Variants in ARHGEF12 observed in about 807,000 individuals in gnomAD.
ARHGEF12 encodes KMT2A/ARHGEF12 fusion protein.
ARHGEF12 carries 66 observed loss-of-function variants against 211.2 expected under a neutral mutation model. That is an observed-to-expected ratio of 0.31 (90% CI 0.26 to 0.38). The LOEUF (loss-of-function observed/expected upper bound fraction) is 0.38. ARHGEF12 is among the 10% of genes least tolerant of loss of function. The pLI is 1.00. For missense variants in ARHGEF12, 1,429 were observed against 1,869.5 expected (o/e 0.76, Z 4.34); for synonymous variants, 592 against 638.4 (o/e 0.93, Z 1.09).
At position 120,431,530 on chromosome 11, in the gene ARHGEF12, C is replaced by A. The variant is rs74754480; in HGVS notation, c.784-241C>A. On this transcript the variant is annotated intron_variant, in intron 10 of 40. Coordinates refer to ENST00000397843, the MANE Select transcript of ARHGEF12 (RefSeq NM_015313.3). ...TGCTATATTTAGAAGTTTGAACTTACATTCTTTTTACCAAAATATCACTTG... is the reference window on the plus strand; with the variant it reads ...TGCTATATTTAGAAGTTTGAACTTAAATTCTTTTTACCAAAATATCACTTG... Among the ~76,000 whole-genome samples the A allele has an allele frequency of 8.9e-3, 1,350 of 152,286 alleles. 89 individuals carry two copies. The South Asian group carries it at 0.16, about 18-fold the overall frequency.
chr11:120,356,706 TTGG>T (rs1455561147), intron 1 of ARHGEF12, among the ~76,000 whole-genome samples: 2 of 152,234 alleles, frequency 1.3e-5, no homozygotes, highest in Non-Finnish European at 2.9e-5. Context: ...CCTGGATTAC[TTGG>T]TTTTTCTGTA....
intron 1 of ARHGEF12, among the ~76,000 whole-genome samples, chr11:120,367,973 C>G (rs745326572): frequency 2.0e-5 from 3 of 151,984 alleles, no homozygotes; most frequent in Non-Finnish European, 4.4e-5. Flanking sequence ...AGAGCAAGAC[C>G]TCGTCTCAAA....
At position 120,422,667 on chromosome 11, in the gene ARHGEF12, A is replaced by T. The variant is rs906579226; in HGVS notation, c.348+815A>T. ...CTTCTTCTGGTACCAGGTATTTCAGATAAGCGATACCTGACCTGTATGCAA... is the reference window on the plus strand; with the variant it reads ...CTTCTTCTGGTACCAGGTATTTCAGTTAAGCGATACCTGACCTGTATGCAA... On this transcript the variant is annotated intron_variant, in intron 6 of 40. Coordinates refer to ENST00000397843, the MANE Select transcript of ARHGEF12 (RefSeq NM_015313.3). Among the ~76,000 whole-genome samples the T allele has an allele frequency of 3.9e-5, 6 of 152,328 alleles. No individual in the cohort carries two copies. In the East Asian group the frequency reaches 9.6e-4, roughly 24 times the overall value.
chr11:120,410,807 T>C (rs1944860661), intron 4 of ARHGEF12: 1 of 152,232 alleles, frequency 6.6e-6, no homozygotes, highest in Non-Finnish European at 1.5e-5. Flanking sequence ...CAGAGTATTT[T>C]GGCTACTGAT....
chr11:120,459,034 T>C (rs1401885445), intron 25 of ARHGEF12, 140 bp from the exon 26 acceptor site: 1 of 733,612 alleles, frequency 1.4e-6, no homozygotes, highest in Non-Finnish European at 1.9e-6. Flanking sequence ...TCAGAATGAC[T>C]TCAGAGATAT....
rs901083392 is a variant in ARHGEF12, at chr11:120,460,878, T to C, written c.2613+121T>C. 1.5e-5 allele frequency: 13 copies of C among 846,022 alleles called. No individual in the cohort carries two copies. The African/African-American group carries it at 1.9e-4, about 12-fold the overall frequency. 52.4% of individuals were successfully genotyped at this position (846,022 alleles called of 1,614,324 possible). A position where few individuals can be genotyped will look rare whatever the true frequency, so the allele number is the denominator to read the frequency against. On this transcript the variant is annotated intron_variant, in intron 27 of 40. Transcript: ENST00000397843. ...CCATGTTGCAAAGTTAATGCAAAGC[T>C]GAGAAAGGTCAAGCAGTAGATTCCA... is the stretch of plus-strand genomic sequence containing the variant.
At chr11:120,376,479 A>G in intron 1 of ARHGEF12, among the ~76,000 whole-genome samples, 1 of 152,308 alleles carries the variant, frequency 6.6e-6, no homozygotes, top group Middle Eastern at 3.4e-3. Flanking sequence ...AGACTGAGAT[A>G]TAATTTACAT....
intron 1 of ARHGEF12, among the ~76,000 whole-genome samples, chr11:120,371,639 G>A (rs12807097): frequency 0.19 from 29,044 of 152,092 alleles, 2,933 homozygotes; most frequent in South Asian, 0.23. Flanking sequence ...CTCAGTTAAA[G>A]ATGTTAAAAA....
At chr11:120,459,453 A>G (rs1231504824) in intron 26 of ARHGEF12, 133 bp downstream of exon 26, 1 of 964,798 alleles carries the variant, frequency 1.0e-6, no homozygotes, top group Non-Finnish European at 1.5e-6. Context: ...AAATAAAGGA[A>G]TGATTGGAAC....
intron 24 of ARHGEF12, 111 bp downstream of exon 24, chr11:120,457,867 T>C (rs1019116859): frequency 4.8e-5 from 61 of 1,260,088 alleles, no homozygotes; most frequent in Middle Eastern, 2.4e-4. Flanking sequence ...CAATCTGTTA[T>C]GTAGTATAAA....
At chr11:120,457,809 C>CT in intron 24 of ARHGEF12, 53 bp downstream of exon 24, 2 of 1,557,460 alleles carry the variant, frequency 1.3e-6, no homozygotes, top group Non-Finnish European at 1.8e-6. Context: ...GAAACGTAAC[C>CT]TTTTTTCCTC....
intron 26 of ARHGEF12, among the ~76,000 whole-genome samples, chr11:120,459,686 C>T (rs1946467349): frequency 6.6e-6 from 1 of 151,888 alleles, no homozygotes; most frequent in African/African-American, 2.4e-5. Context: ...GGTATATAAT[C>T]ACATGGTTCG....
intron 7 of ARHGEF12, among the ~76,000 whole-genome samples, chr11:120,426,937 C>T (rs1019269503): frequency 4.6e-5 from 7 of 151,928 alleles, no homozygotes; most frequent in Non-Finnish European, 7.4e-5. Flanking sequence ...CGTGCAGTGG[C>T]GCAATCTCGG....
chr11:120,394,011 A>G (rs1465191102), intron 1 of ARHGEF12, among the ~76,000 whole-genome samples: 2 of 152,212 alleles, frequency 1.3e-5, no homozygotes, highest in African/African-American at 4.8e-5. Context: ...AAATCAATAA[A>G]AGATCTCTGG....
At chr11:120,481,705 T>C in intron 39 of ARHGEF12, 129 bp downstream of exon 39, 1 of 829,014 alleles carries the variant, frequency 1.2e-6, no homozygotes, top group Non-Finnish European at 1.9e-6. Context: ...CTATTATCCA[T>C]GAATAGGCCT....
At position 120,447,912 on chromosome 11, in the gene ARHGEF12, A is replaced by G. The variant is rs1469180837; in HGVS notation, c.1622+6A>G. 2.6e-6 allele frequency: 4 copies of G among 1,561,808 alleles called. No individual in the cohort carries two copies. The highest frequency in any genetic ancestry group is 3.4e-6 in the Non-Finnish European group (4 of 1,160,438). ...GCTGTAGAGGAAGATAAGAGGTAAC[A>G]TAACTGTTTTTTTTCCCCTAGAATT... On this transcript the variant is annotated splice_donor_region_variant and intron_variant, in intron 19 of 40. Coordinates refer to ENST00000397843, the MANE Select transcript of ARHGEF12 (RefSeq NM_015313.3).
At chr11:120,380,440 T>TC (rs1943845774) in intron 1 of ARHGEF12, among the ~76,000 whole-genome samples, 1 of 152,224 alleles carries the variant, frequency 6.6e-6, no homozygotes, top group Non-Finnish European at 1.5e-5. Flanking sequence ...TTTTCATGTT[T>TC]CCCCAGTCTC....
intron 7 of ARHGEF12, among the ~76,000 whole-genome samples, chr11:120,426,963 G>T (rs1020591713): frequency 6.6e-6 from 1 of 151,826 alleles, no homozygotes; most frequent in Admixed American, 6.6e-5. Flanking sequence ...TGCAACCTCC[G>T]CCTCCCAGGT....
At chr11:120,459,350 C>G in intron 26 of ARHGEF12, 30 bp downstream of exon 26, 1 of 1,593,640 alleles carries the variant, frequency 6.3e-7, no homozygotes, top group Non-Finnish European at 8.5e-7. Flanking sequence ...ATCTTTGCCC[C>G]TAACATTTCC....
Sources: allele counts gnomAD v4.1 joint callset (sites outside exome capture counted in the v4.1 genomes callset), GRCh38; gene constraint gnomAD v4.1.1; transcripts MANE v1.5; gene names NCBI Gene and HGNC (gene_info 2026-07-23, HGNC 2026-07-21).